Variants in CISD3 observed in about 807,000 individuals in gnomAD.
The protein encoded by CISD3 is CDGSH iron-sulfur domain-containing protein 3, mitochondrial.
Under a neutral mutation model 14.1 loss-of-function variants are expected in CISD3, and 11 were observed. The ratio of observed to expected loss-of-function variants is 0.78; its 90% CI spans 0.49 to 1.29. CISD3 has a LOEUF of 1.29. Ranked by LOEUF, CISD3 falls within the 50% of genes most tolerant of loss-of-function variation. The pLI, the probability that CISD3 is intolerant of heterozygous loss-of-function variation, is 0.00. For missense variants in CISD3, 156 were observed against 171.6 expected (o/e 0.91, Z 0.51); for synonymous variants, 53 against 69.2 (o/e 0.77, Z 1.16).
At chr17:38,733,213 G>GCCTGC (rs3066485) in intron 3 of CISD3, 63 bp from the exon 4 acceptor site, 1,010,806 of 1,453,828 alleles carry the variant, frequency 0.7, 354,188 homozygotes, top group African/African-American at 0.83. Flanking sequence ...AGCTCCTGCA[G>GCCTGC]CCTGCCCTGC....
chr17:38,732,526 A>G (rs896616168), intron 3 of CISD3, among the ~76,000 whole-genome samples: 1 of 152,136 alleles, frequency 6.6e-6, no homozygotes, highest in Admixed American at 6.5e-5. Context: ...GTTCCCAGCC[A>G]TACTGGAGGC....
rs1440488481 is a variant in CISD3, at chr17:38,735,326, G to C, written c.*1871G>C. ...GTTCAAGCTACCCCCGTTGGCAGCTGTGGTGGCCCCACTGGCTGTCGAAGG... is the reference window on the plus strand; with the variant it reads ...GTTCAAGCTACCCCCGTTGGCAGCTCTGGTGGCCCCACTGGCTGTCGAAGG... On this transcript the variant is annotated 3_prime_UTR_variant, in exon 4 of 4. Transcript: ENST00000613478. 1.9e-6 allele frequency: 3 copies of C among 1,547,710 alleles called. No individual in the cohort carries two copies. Among genetic ancestry groups the C allele is most frequent in the Non-Finnish European group, 2.6e-6 (3 of 1,141,942 alleles).
rs1842996222 is a variant in CISD3 at position 38,735,099 on chromosome 17, A to C, written c.*1644A>C. On this transcript the variant is annotated 3_prime_UTR_variant, in exon 4 of 4. Transcript: ENST00000613478. ...TACATATATATATATATTTATTTAT[A>C]AAACCCGCCCCCCACCCCCAAGGTG... The C allele has an allele frequency of 4.6e-6, 3 of 657,958 alleles. No homozygotes were observed. The highest frequency in any genetic ancestry group is 6.9e-6 in the Non-Finnish European group (3 of 437,758). 40.8% of individuals were successfully genotyped at this position (657,958 alleles called of 1,614,324 possible).
intron 2 of CISD3, 85 bp from the exon 3 acceptor site, chr17:38,731,235 A>G: frequency 6.6e-7 from 1 of 1,508,260 alleles, no homozygotes; most frequent in Non-Finnish European, 8.9e-7. Context: ...CACACAGGCC[A>G]GTGGGAAACT....
intron 1 of CISD3, 120 bp from the exon 2 acceptor site, chr17:38,730,640 T>G (rs1906289038): frequency 9.6e-7 from 1 of 1,044,186 alleles, no homozygotes; most frequent in Non-Finnish European, 1.5e-6. Context: ...CCTCGCCCCT[T>G]CAGCCCTGTC....
At chr17:38,733,221 T>TGCCCC (rs2143737164) in intron 3 of CISD3, 55 bp from the exon 4 acceptor site, 1 of 1,540,214 alleles carries the variant, frequency 6.5e-7, no homozygotes, top group Non-Finnish European at 8.8e-7. Context: ...CAGCCTGCCC[T>TGCCCC]GCCCTGCCCC....
rs755970780 is a variant in CISD3 at position 38,733,445 on chromosome 17, C to T, written c.374C>T (p.Ser125Phe). The T allele has an allele frequency of 1.3e-6, 2 of 1,533,606 alleles. No homozygotes were observed. Among genetic ancestry groups the T allele is most frequent in the Non-Finnish European group, 8.8e-7 (1 of 1,135,208 alleles). 95.0% of individuals were successfully genotyped at this position (1,533,606 alleles called of 1,614,324 possible). A position where few individuals can be genotyped will look rare whatever the true frequency, so the allele number is the denominator to read the frequency against. The change falls in exon 4 of 4, where the codon TCC becomes TTC. Residue 125 changes from serine to phenylalanine, a missense_variant. Ser to Phe is a radical substitution (Grantham distance 155, BLOSUM62 -2). Transcript: ENST00000613478. ...SERVQKAEVG[S>F]PL ...CGCGTGCAGAAGGCAGAAGTGGGCT[C>T]CCCACTCTGAGGGGGCTGCTGCTGT... is the stretch of plus-strand genomic sequence containing the variant.
rs1555625040 is a variant in CISD3 at position 38,734,527 on chromosome 17, G to GAGAA, written c.*1073_*1074insGAAA. The GAGAA allele has an allele frequency of 6.9e-6, 1 of 144,264 alleles. No homozygotes were observed. The highest frequency in any genetic ancestry group is 1.5e-5 in the Non-Finnish European group (1 of 65,648). 8.9% of individuals were successfully genotyped at this position (144,264 alleles called of 1,614,324 possible). The stretch of plus-strand genomic sequence containing the variant: ...AATGATGCAAAGGCCACACACACAG[G>GAGAA]AAAAAAAAAAAAAGAGGCAGAACTA... On this transcript the variant is annotated 3_prime_UTR_variant, in exon 4 of 4. Coordinates refer to ENST00000613478, the MANE Select transcript of CISD3 (RefSeq NM_001136498.2).
rs1162565066 is a variant in CISD3 at position 38,734,094 on chromosome 17, TGAG to T, written c.*642_*644del. ...GACTCCTCTCAGATCTATGCACACT[TGAG>T]GAAATCTCGGTGGGCAGCGACCTGC... On this transcript the variant is annotated 3_prime_UTR_variant, in exon 4 of 4. Transcript: ENST00000613478. The T allele has an allele frequency of 3.3e-5, 5 of 150,314 alleles. No individual in the cohort carries two copies. The Admixed American group carries it at 3.3e-4, about 10-fold the overall frequency. The allele number at this position is 150,314 out of a possible 1,614,324, so 9.3% of individuals were successfully genotyped here.
Position 38,730,784 on chromosome 17 carries a change from T to C in CISD3, c.73T>C (p.Ser25Pro). 1 of 1,551,550 alleles carries C rather than the reference T, an allele frequency of 6.4e-7. No individual in the cohort carries two copies. The highest frequency in any genetic ancestry group is 8.7e-7 in the Non-Finnish European group (1 of 1,146,928). ...GGACCTGAACCCGCGGCGGGACATC[T>C]CCTCCTGGCTGGTGAGTCCCCCCAT... ...ARDLNPRRDI[S>P]SWLAQWFPRT... The change falls in exon 2 of 4, where the codon TCC becomes CCC. Residue 25 changes from serine (S) to proline (P), a missense_variant. By Grantham distance (74) the Ser-to-Pro change is moderately conservative. Coordinates refer to ENST00000613478, the MANE Select transcript of CISD3 (RefSeq NM_001136498.2).
chr17:38,733,201 T>G, intron 3 of CISD3, 75 bp from the exon 4 acceptor site: 135 of 1,419,670 alleles, frequency 9.5e-5, no homozygotes, highest in Middle Eastern at 1.7e-4. Flanking sequence ...CCACTCCCCC[T>G]GAGCTCCTGC....
At chr17:38,730,580 C>T in intron 1 of CISD3, 174 bp downstream of exon 1, 2 of 828,374 alleles carry the variant, frequency 2.4e-6, no homozygotes, top group East Asian at 5.4e-5. Context: ...GCCAGGACCT[C>T]CGCAGCCAGC....
Position 38,733,629 on chromosome 17 carries a change from G to A in CISD3, c.*174G>A. ...AAAGTCTCCAGTCTGGGGCAGGCGG[G>A]AGTGGGCCCTGGTTCAATGTTTGCT... On this transcript the variant is annotated 3_prime_UTR_variant, in exon 4 of 4. Transcript: ENST00000613478. The A allele has an allele frequency of 1.5e-6, 1 of 677,378 alleles. No individual in the cohort carries two copies. Among genetic ancestry groups the A allele is most frequent in the African/African-American group, 1.8e-5 (1 of 54,198 alleles). 42.0% of individuals were successfully genotyped at this position (677,378 alleles called of 1,614,324 possible).
In CISD3 at chr17:38,730,755, T is replaced by G. The variant is rs1906293992; in HGVS notation, c.49-5T>G. On this transcript the variant is annotated splice_region_variant and splice_polypyrimidine_tract_variant and intron_variant, in intron 1 of 3. Coordinates refer to ENST00000613478, the MANE Select transcript of CISD3 (RefSeq NM_001136498.2). ...TGATGCCTGCCATGCTTGCGTACCT[T>G]GCAGGACCTGAACCCGCGGCGGGAC... 1 of 1,551,678 alleles carries G rather than the reference T, an allele frequency of 6.4e-7. No individual in the cohort carries two copies. Among genetic ancestry groups the G allele is most frequent in the African/African-American group, 1.4e-5 (1 of 73,046 alleles).
chr17:38,732,367 G>T (rs1390428341), intron 3 of CISD3, among the ~76,000 whole-genome samples: 1 of 152,138 alleles, frequency 6.6e-6, no homozygotes, highest in East Asian at 1.9e-4. Flanking sequence ...AGGCGAGGTG[G>T]CTCACCTGTA....
chr17:38,733,199 C>A, intron 3 of CISD3, 77 bp from the exon 4 acceptor site: 2 of 1,405,568 alleles, frequency 1.4e-6, no homozygotes, highest in South Asian at 1.3e-5. Flanking sequence ...CTCCACTCCC[C>A]CTGAGCTCCT....
At chr17:38,730,480 C>A in intron 1 of CISD3, 74 bp downstream of exon 1, 2 of 1,167,484 alleles carry the variant, frequency 1.7e-6, no homozygotes. Flanking sequence ...ACTCCAGCCC[C>A]GGCCCGGCCG....
rs1023059898 is a variant in CISD3, at chr17:38,730,583, C to T, written c.48+177C>T. 2.9e-5 allele frequency: 24 copies of T among 824,116 alleles called. No individual in the cohort carries two copies. In the Admixed American group the frequency reaches 4.9e-4, roughly 17 times the overall value. 51.1% of individuals were successfully genotyped at this position (824,116 alleles called of 1,614,324 possible). A position where few individuals can be genotyped will look rare whatever the true frequency, so the allele number is the denominator to read the frequency against. ...GCGCCAGTCCCTGCCAGGACCTCCG[C>T]AGCCAGCACCTTCTCTTGCGACCTT... On this transcript the variant is annotated intron_variant, in intron 1 of 3. Transcript: ENST00000613478.
rs139200773 is a variant in CISD3 at position 38,732,628 on chromosome 17, C to A, written c.205-648C>A. ...CTCCAGCCTGGGCAACAGAGTGAGA[C>A]CCTGTCAAAAAAAAAGGCCTTGGCA... On this transcript the variant is annotated intron_variant, in intron 3 of 3. Coordinates refer to ENST00000613478, the MANE Select transcript of CISD3 (RefSeq NM_001136498.2). Among the ~76,000 whole-genome samples the A allele has an allele frequency of 1.0e-3, 152 of 152,070 alleles. 1 individual carries two copies. The highest frequency in any genetic ancestry group is 3.6e-3 in the African/African-American group (148 of 41,504).
Sources: allele counts gnomAD v4.1 joint callset (sites outside exome capture counted in the v4.1 genomes callset), GRCh38; gene constraint gnomAD v4.1.1; transcripts MANE v1.5; gene names NCBI Gene and HGNC (gene_info 2026-07-23, HGNC 2026-07-21).